The following GMEB2 variants were observed in gnomAD, a reference collection of about 807,000 sequenced individuals.
GMEB2 encodes glucocorticoid modulatory element binding protein 2, also known as glucocorticoid modulatory element-binding protein 2.
Under a neutral mutation model 45.7 loss-of-function variants are expected in GMEB2, and 7 were observed. The ratio of observed to expected loss-of-function variants is 0.15; its 90% confidence interval spans 0.09 to 0.29. The LOEUF (loss-of-function observed/expected upper bound fraction) is 0.29, where lower values mean the gene tolerates loss of function less well. GMEB2 is among the 10% of genes least tolerant of loss of function. The pLI, the probability that GMEB2 is intolerant of heterozygous loss-of-function variation, is 1.00. For missense variants in GMEB2, 582 were observed against 739.2 expected (o/e 0.79, Z 2.47); for synonymous variants, 322 against 323.6 (o/e 1.00, Z 0.05).
At chr20:63,602,915 C>T in intron 4 of GMEB2, 50 bp downstream of exon 4, 1 of 1,571,448 alleles carries the variant, frequency 6.4e-7, no homozygotes, top group Middle Eastern at 1.7e-4. Flanking sequence ...AAAGCAGTCA[C>T]AGACACCATG....
intron 2 of GMEB2, among the ~76,000 whole-genome samples, chr20:63,611,546 A>T (rs571348942): frequency 5.4e-4 from 81 of 151,112 alleles, no homozygotes; most frequent in Non-Finnish European, 8.4e-4. Flanking sequence ...CGGGAGGTGG[A>T]GGCTGCTGCA....
At position 63,597,600 on chromosome 20, in the gene GMEB2, G is replaced by A. The variant is rs537731751; in HGVS notation, c.461+157C>T. On this transcript the variant is annotated intron_variant, in intron 5 of 9. Coordinates refer to ENST00000370077, the MANE Select transcript of GMEB2 (RefSeq NM_012384.5). ...CAGGAGTGTGGGAGACGGGTTTACA[G>A]TTTTGGGTGTGAGCAGGTGCAGCAG... Among the ~76,000 whole-genome samples, 10 of 152,342 alleles carry A rather than the reference G, an allele frequency of 6.6e-5. 1 individual carries two copies. The highest frequency in any genetic ancestry group is 2.6e-4 in the Admixed American group (4 of 15,310).
intron 4 of GMEB2, 104 bp downstream of exon 4, chr20:63,602,861 C>T (rs1440940977): frequency 2.9e-6 from 3 of 1,030,110 alleles, no homozygotes; most frequent in Non-Finnish European, 4.4e-6. Context: ...CTCCCCAGCC[C>T]TGGAGACCCT....
At chr20:63,615,599 T>A (rs2089602531) in intron 2 of GMEB2, among the ~76,000 whole-genome samples, 1 of 152,172 alleles carries the variant, frequency 6.6e-6, no homozygotes, top group Non-Finnish European at 1.5e-5. Context: ...GTGCTCAGAT[T>A]ACAGGCAGGA....
intron 1 of GMEB2, among the ~76,000 whole-genome samples, chr20:63,622,634 C>T (rs1374887065): frequency 6.6e-6 from 1 of 152,114 alleles, no homozygotes; most frequent in Non-Finnish European, 1.5e-5. Flanking sequence ...CATGGGTCTC[C>T]ACACAACTCC....
At chr20:63,606,956 C>T (rs1171519009) in intron 2 of GMEB2, among the ~76,000 whole-genome samples, 3 of 152,186 alleles carry the variant, frequency 2.0e-5, no homozygotes, top group African/African-American at 7.2e-5. Context: ...CGGCCCAGGA[C>T]GCAGGACTCC....
chr20:63,609,781 C>T (rs1290262431), intron 2 of GMEB2, among the ~76,000 whole-genome samples: 1 of 95,948 alleles, frequency 1.0e-5, no homozygotes, highest in Non-Finnish European at 2.5e-5. Context: ...AAACATGCCC[C>T]TCTGACCCCA....
intron 9 of GMEB2, 55 bp from the exon 10 acceptor site, chr20:63,590,784 T>C (rs2083140427): frequency 1.7e-6 from 2 of 1,147,896 alleles, no homozygotes; most frequent in Non-Finnish European, 2.4e-6. Flanking sequence ...GATGGCGGCA[T>C]GCAGGGGATG....
At chr20:63,591,957 A>G in intron 9 of GMEB2, 65 bp downstream of exon 9, 2 of 1,439,786 alleles carry the variant, frequency 1.4e-6, no homozygotes, top group Non-Finnish European at 1.9e-6. Flanking sequence ...CCGTGGGGTG[A>G]GCCCGTGGGC....
At chr20:63,609,519 C>A (rs796644804) in intron 2 of GMEB2, among the ~76,000 whole-genome samples, 1 of 27,398 alleles carries the variant, frequency 3.6e-5, no homozygotes, top group African/African-American at 1.0e-4. Flanking sequence ...CCCTCTGACC[C>A]CACCTCCATT....
At chr20:63,622,459 G>A (rs751593827) in intron 1 of GMEB2, among the ~76,000 whole-genome samples, 7 of 152,326 alleles carry the variant, frequency 4.6e-5, no homozygotes, top group South Asian at 2.1e-4. Context: ...TTACTCAACC[G>A]ACATTTTCCA....
intron 2 of GMEB2, among the ~76,000 whole-genome samples, chr20:63,607,246 T>G (rs1194419942): frequency 7.1e-6 from 1 of 141,684 alleles, no homozygotes; most frequent in African/African-American, 2.7e-5. Flanking sequence ...CACCTCCATT[T>G]CTAGAAACAT....
At chr20:63,614,261 T>C (rs867589306) in intron 2 of GMEB2, among the ~76,000 whole-genome samples, 12 of 152,134 alleles carry the variant, frequency 7.9e-5, no homozygotes, top group African/African-American at 2.7e-4. Context: ...TGCCTAAGCA[T>C]AACCTAGGAA....
chr20:63,591,690 C>A (rs1229355413), intron 9 of GMEB2, among the ~76,000 whole-genome samples: 2 of 152,180 alleles, frequency 1.3e-5, no homozygotes, highest in Non-Finnish European at 2.9e-5. Context: ...GTCTCAAACT[C>A]CTAGCCTGAA....
At chr20:63,616,844 T>C (rs1168999115) in intron 2 of GMEB2, among the ~76,000 whole-genome samples, 1 of 152,238 alleles carries the variant, frequency 6.6e-6, no homozygotes, top group Non-Finnish European at 1.5e-5. Flanking sequence ...TCCTGAACTG[T>C]GTCCCCCGTA....
At chr20:63,611,473 G>A (rs1392866460) in intron 2 of GMEB2, among the ~76,000 whole-genome samples, 7 of 152,196 alleles carry the variant, frequency 4.6e-5, no homozygotes, top group African/African-American at 1.2e-4. Context: ...TTAGGCAGGC[G>A]TGGTGGCGGG....
intron 1 of GMEB2, among the ~76,000 whole-genome samples, chr20:63,625,391 T>C (rs2089664211): frequency 6.6e-6 from 1 of 152,020 alleles, no homozygotes; most frequent in African/African-American, 2.4e-5. Flanking sequence ...CAGGCTGGTC[T>C]CGAACTCCTG....
intron 1 of GMEB2, among the ~76,000 whole-genome samples, chr20:63,620,058 C>A (rs542255166): frequency 1.3e-4 from 20 of 152,308 alleles, no homozygotes; most frequent in African/African-American, 3.9e-4. Flanking sequence ...AGTGATTCTC[C>A]TGCCTCAGCC....
Position 63,593,248 on chromosome 20 carries a change from T to C in GMEB2, c.620-166A>G, listed in dbSNP as rs892617324. 1.3e-5 allele frequency among the ~76,000 whole-genome samples: 2 copies of C among 152,136 alleles called. No individual in the cohort carries two copies. The highest frequency in any genetic ancestry group is 2.4e-5 in the African/African-American group (1 of 41,414). The stretch of plus-strand genomic sequence containing the variant: ...GTACAGCCAAAGTGTACCTGCCTTA[T>C]ATTTTATGGCTATTTTTAATCACAG... On this transcript the variant is annotated intron_variant, in intron 6 of 9. Transcript: ENST00000370077. The surrounding 1 kb of genome is among the most constrained non-coding windows in gnomAD (Gnocchi z 4.7).
Sources: allele counts gnomAD v4.1 joint callset (sites outside exome capture counted in the v4.1 genomes callset), GRCh38; gene constraint gnomAD v4.1.1; non-coding constraint Gnocchi (gnomAD v3.1); transcripts MANE v1.5; gene names NCBI Gene and HGNC (gene_info 2026-07-23, HGNC 2026-07-21).